SYT6: variants seen among roughly 807,000 people sequenced by gnomAD.
SYT6 encodes the protein synaptotagmin-6.
A neutral mutation model predicts 38.4 loss-of-function variants in SYT6; 24 were observed. That is an observed-to-expected ratio of 0.62 (90% CI 0.45 to 0.88). The LOEUF (loss-of-function observed/expected upper bound fraction) is 0.88, where lower values mean the gene tolerates loss of function less well. Ranked by LOEUF, SYT6 falls within the 40% of genes least tolerant of loss-of-function variation. SYT6 has a pLI of 0.00. For missense variants in SYT6, 611 were observed against 621.0 expected (o/e 0.98, Z 0.17); for synonymous variants, 265 against 241.9 (o/e 1.10, Z -0.89).
intron 3 of SYT6, among the ~76,000 whole-genome samples, chr1:114,133,675 T>C (rs148996308): frequency 6.6e-6 from 1 of 152,164 alleles, no homozygotes; most frequent in Non-Finnish European, 1.5e-5. Context: ...AAAATTTCCA[T>C]CCTAGGCCTG....
At chr1:114,126,047 G>A (rs1677710538) in intron 3 of SYT6, among the ~76,000 whole-genome samples, 1 of 152,120 alleles carries the variant, frequency 6.6e-6, no homozygotes, top group Non-Finnish European at 1.5e-5. Context: ...AGGGGCCTGG[G>A]AAGGAAAGAG....
intron 3 of SYT6, among the ~76,000 whole-genome samples, chr1:114,126,157 C>A (rs1677719655): frequency 6.6e-6 from 1 of 152,110 alleles, no homozygotes; most frequent in Non-Finnish European, 1.5e-5. Context: ...TTTGCATTGA[C>A]TCCCAACCAC....
rs1324962790 is a variant in SYT6, at chr1:114,089,598, A to G, written c.*2536T>C. ...CCAGAGAAAGCCAACAAATGGATCAACTTTGTATTTCATTTTCTTCTTCTC... is the reference window on the plus strand; with the variant it reads ...CCAGAGAAAGCCAACAAATGGATCAGCTTTGTATTTCATTTTCTTCTTCTC... On this transcript the variant is annotated 3_prime_UTR_variant, in exon 8 of 8. Transcript: ENST00000610222. 2 of 152,350 alleles carry G rather than the reference A, an allele frequency of 1.3e-5. No individual in the cohort carries two copies. The highest frequency in any genetic ancestry group is 2.9e-5 in the Non-Finnish European group (2 of 68,026). 9.4% of individuals were successfully genotyped at this position (152,350 alleles called of 1,614,324 possible).
At chr1:114,143,495 T>A (rs572679619) in intron 1 of SYT6, among the ~76,000 whole-genome samples, 4 of 148,894 alleles carry the variant, frequency 2.7e-5, no homozygotes, top group South Asian at 2.1e-4. Context: ...TATGTATATA[T>A]GTATAAGTTA....
At chr1:114,113,930 C>CG (rs1676840973) in intron 3 of SYT6, among the ~76,000 whole-genome samples, 1 of 152,222 alleles carries the variant, frequency 6.6e-6, no homozygotes, top group South Asian at 2.1e-4. Flanking sequence ...CCTCCACGAA[C>CG]GGGGCTGACT....
At chr1:114,103,482 T>C in intron 4 of SYT6, 119 bp downstream of exon 4, 1 of 1,361,792 alleles carries the variant, frequency 7.3e-7, no homozygotes, top group Non-Finnish European at 1.0e-6. Flanking sequence ...AGGCAGTTTG[T>C]GTCCAGAGCT....
intron 2 of SYT6, among the ~76,000 whole-genome samples, chr1:114,138,944 G>A (rs1214194184): frequency 6.6e-6 from 1 of 152,190 alleles, no homozygotes; most frequent in Non-Finnish European, 1.5e-5. Flanking sequence ...TCCCCTGAGG[G>A]CCTGGAGAGC....
intron 3 of SYT6, among the ~76,000 whole-genome samples, chr1:114,113,571 G>C (rs1390755026): frequency 6.6e-6 from 1 of 152,132 alleles, no homozygotes; most frequent in African/African-American, 2.4e-5. Context: ...CATCCACCCA[G>C]TTGCTCAAGC....
At position 114,103,632 on chromosome 1, in the gene SYT6, G is replaced by A. The variant is rs781479585; in HGVS notation, c.1161C>T (p.Asn387=). Residue 387 remains asparagine, a synonymous_variant, in exon 4 of 8, where the codon AAC becomes AAT. Transcript: ENST00000610222. ...RLTLTVIKCR[N]LKAMDITGYS... is the part of the protein sequence containing the mutation. ...AGCCTGTGATGTCCATCGCCTTGAG[G>A]TTCCGACACTTAATCACTGTGAGGG... The A allele has an allele frequency of 1.6e-5, 26 of 1,614,068 alleles. No individual in the cohort carries two copies. Among genetic ancestry groups the A allele is most frequent in the Non-Finnish European group, 2.1e-5 (25 of 1,180,034 alleles).
In SYT6 at chr1:114,096,731, C is replaced by G. The variant is rs192501071; in HGVS notation, c.1515+996G>C. On this transcript the variant is annotated intron_variant, in intron 6 of 7. Coordinates refer to ENST00000610222, the MANE Select transcript of SYT6 (RefSeq NM_001253772.2). ...TTTGAAGGTGACTCCAATTTTAAGC[C>G]GAGGGGCCATGCAGTGAAAGGGATA... Among the ~76,000 whole-genome samples, 5 of 152,214 alleles carry G rather than the reference C, an allele frequency of 3.3e-5. No homozygotes were observed. In the South Asian group the frequency reaches 1.0e-3, roughly 32 times the overall value.
intron 1 of SYT6, among the ~76,000 whole-genome samples, chr1:114,142,688 G>A (rs1207946007): frequency 6.6e-6 from 1 of 152,150 alleles, no homozygotes; most frequent in African/African-American, 2.4e-5. Flanking sequence ...CAAACTCACC[G>A]TTGTCTTATT....
At chr1:114,107,296 G>A (rs569346819) in intron 3 of SYT6, among the ~76,000 whole-genome samples, 1 of 152,328 alleles carries the variant, frequency 6.6e-6, no homozygotes, top group East Asian at 1.9e-4. Context: ...GCAGTGACCC[G>A]CAGACCTCCC....
intron 3 of SYT6, among the ~76,000 whole-genome samples, chr1:114,129,641 C>CTCTTTCTTTCTTTTTCTTTCTT: frequency 1.8e-5 from 1 of 54,540 alleles, no homozygotes; most frequent in African/African-American, 6.7e-5. Context: ...TTCTTTCTTT[C>CTCTTTCTTTCTTTTTCTTTCTT]TCTTTCTTTC....
chr1:114,106,210 C>T (rs1676302648), intron 3 of SYT6, among the ~76,000 whole-genome samples: 1 of 152,104 alleles, frequency 6.6e-6, no homozygotes, highest in Admixed American at 6.6e-5. Flanking sequence ...CCTTCAAGCC[C>T]CAAGTTACTG....
rs558464440 is a variant in SYT6 at position 114,151,837 on chromosome 1, A to G, written c.163+1773T>C. ...ACCAGAGAACCAGAGTCTTATAATAATAACTTGTTAGGCCTAATGTGTTCT... is the reference window on the plus strand; with the variant it reads ...ACCAGAGAACCAGAGTCTTATAATAGTAACTTGTTAGGCCTAATGTGTTCT... On this transcript the variant is annotated intron_variant, in intron 1 of 7. Transcript: ENST00000610222. Among the ~76,000 whole-genome samples the G allele has an allele frequency of 7.9e-5, 12 of 152,226 alleles. No individual in the cohort carries two copies. The South Asian group carries it at 2.3e-3, about 29-fold the overall frequency.
Position 114,137,846 on chromosome 1 carries a change from A to C in SYT6, c.720T>G (p.Asp240Glu), listed in dbSNP as rs775760332. 1 of 1,613,958 alleles carries C rather than the reference A, an allele frequency of 6.2e-7. No homozygotes were observed. Among genetic ancestry groups the C allele is most frequent in the Non-Finnish European group, 8.5e-7 (1 of 1,179,992 alleles). Residue 240 changes from aspartate (D) to glutamate (E), a missense_variant, in exon 3 of 8, where the codon GAT (aspartate) becomes GAG (glutamate). Coordinates refer to ENST00000610222, the MANE Select transcript of SYT6 (RefSeq NM_001253772.2). ...CGKINFSLRY[D>E]YETETLIVRI... is the part of the protein sequence containing the mutation. ...GCACAATCAGGGTCTCGGTCTCGTAATCGTAGCGTAGGCTGAAGTTGATCT... is the reference window on the plus strand; with the variant it reads ...GCACAATCAGGGTCTCGGTCTCGTACTCGTAGCGTAGGCTGAAGTTGATCT...
Position 114,104,286 on chromosome 1 carries a change from T to C in SYT6, c.1072-565A>G, listed in dbSNP as rs1259213005. On this transcript the variant is annotated intron_variant, in intron 3 of 7. Coordinates refer to ENST00000610222, the MANE Select transcript of SYT6 (RefSeq NM_001253772.2). Reference sequence around the variant, plus strand: ...GACAAACACTTTCCATCCCATCTGATGGCAAGTGTTTGATGCCAGGCCTCA... The same window carrying C: ...GACAAACACTTTCCATCCCATCTGACGGCAAGTGTTTGATGCCAGGCCTCA... Among the ~76,000 whole-genome samples the C allele has an allele frequency of 2.6e-5, 4 of 152,250 alleles. No homozygotes were observed. In the East Asian group the frequency reaches 7.7e-4, roughly 29 times the overall value.
chr1:114,097,141 G>A (rs1290275548), intron 6 of SYT6, among the ~76,000 whole-genome samples: 2 of 152,328 alleles, frequency 1.3e-5, no homozygotes, highest in East Asian at 3.9e-4. Context: ...GCCCAGTGCT[G>A]TCTCCATTAC....
Position 114,099,226 on chromosome 1 carries a change from C to T in SYT6, c.1232G>A (p.Arg411Lys), listed in dbSNP as rs775205575. ...VKVSLLCDGRRLKKKKTTIKK... is the reference protein window; with the variant it reads ...VKVSLLCDGRKLKKKKTTIKK... Reference sequence around the variant, plus strand: ...TATGGTTGTTTTCTTCTTCTTCAGCCTCCGCCCATCACAGAGCAAGGACAC... The same window carrying T: ...TATGGTTGTTTTCTTCTTCTTCAGCTTCCGCCCATCACAGAGCAAGGACAC... The change falls in exon 5 of 8, where the codon AGG becomes AAG. Residue 411 changes from arginine (R) to lysine (K), a missense_variant. By Grantham distance (26) the Arg-to-Lys change is conservative (BLOSUM62 2). Transcript: ENST00000610222. 1 of 1,613,964 alleles carries T rather than the reference C, an allele frequency of 6.2e-7. No homozygotes were observed. The highest frequency in any genetic ancestry group is 1.1e-5 in the South Asian group (1 of 91,056).
Sources: allele counts gnomAD v4.1 joint callset (sites outside exome capture counted in the v4.1 genomes callset), GRCh38; gene constraint gnomAD v4.1.1; transcripts MANE v1.5; gene names NCBI Gene and HGNC (gene_info 2026-07-23, HGNC 2026-07-21).